The following KLHDC4 variants were observed in gnomAD, a reference collection of about 807,000 sequenced individuals.
KLHDC4 encodes the protein kelch domain-containing protein 4.
In KLHDC4, 90 loss-of-function variants were observed where a neutral mutation model predicts 62.4. The ratio of observed to expected loss-of-function variants is 1.44; its 90% CI spans 1.22 to 1.72. The LOEUF is 1.72. Ranked by LOEUF, KLHDC4 falls within the 40% of genes most tolerant of loss-of-function variation. The pLI is 0.00. For synonymous variants in KLHDC4, 386 were observed against 284.4 expected (o/e 1.36, Z -3.59); for missense variants, 1,025 against 699.7 (o/e 1.47, Z -5.25).
exon 15 of KLHDC4, chr16:87,701,650 C>A (rs561113093): frequency 4.4e-6 from 2 of 454,080 alleles, no homozygotes; most frequent in East Asian, 1.4e-4. Context: ...CACTGCCACT[C>A]GTCCGCCTCG....
At chr16:87,727,153 G>A (rs1184080692) in intron 6 of KLHDC4, among the ~76,000 whole-genome samples, 3 of 145,976 alleles carry the variant, frequency 2.1e-5, no homozygotes, top group Non-Finnish European at 4.5e-5. Flanking sequence ...CAATCTTGAC[G>A]CAATCTACCT....
At chr16:87,748,934 A>T in intron 4 of KLHDC4, 125 bp from the exon 5 acceptor site, 5 of 1,067,586 alleles carry the variant, frequency 4.7e-6, no homozygotes, top group South Asian at 2.0e-5. Flanking sequence ...CCAGCCCCAC[A>T]CTCAGCCACT....
rs773015431 is a variant in KLHDC4, at chr16:87,708,361, G to A, written c.1553C>T (p.Ala518Val). The A allele has an allele frequency of 4.1e-5, 65 of 1,604,768 alleles. No homozygotes were observed. Among genetic ancestry groups the A allele is most frequent in the Non-Finnish European group, 4.8e-5 (56 of 1,176,064 alleles). The change falls in exon 11 of 12, where the codon GCG becomes GTG. Residue 518 changes from alanine to valine, a missense_variant. By Grantham distance (64) the Ala-to-Val change is moderately conservative (BLOSUM62 0). Coordinates refer to ENST00000270583, the MANE Select transcript of KLHDC4 (RefSeq NM_017566.4). ...CCGAGCCCGCTCACCTCAGTCCTCCGCACCGCTCTCCTCTCCGCTGTCTTC... is the reference window on the plus strand; with the variant it reads ...CCGAGCCCGCTCACCTCAGTCCTCCACACCGCTCTCCTCTCCGCTGTCTTC... ...DDEDSGEESG[A>V]ED
At chr16:87,702,008 A>C (rs993136013) in exon 1 of KLHDC4, 1 of 456,250 alleles carries the variant, frequency 2.2e-6, no homozygotes, top group Non-Finnish European at 4.4e-6. Context: ...CCCAGCAGCC[A>C]GGCAGCTCCT....
At chr16:87,712,125 G>A (rs2036006219) in intron 8 of KLHDC4, among the ~76,000 whole-genome samples, 2 of 152,248 alleles carry the variant, frequency 1.3e-5, no homozygotes, top group African/African-American at 4.8e-5. Context: ...ACCTTGGGCT[G>A]CAGTGTGGCC....
chr16:87,722,691 G>T (rs1217413433), intron 7 of KLHDC4, among the ~76,000 whole-genome samples: 1 of 152,222 alleles, frequency 6.6e-6, no homozygotes, highest in Non-Finnish European at 1.5e-5. Flanking sequence ...TGGAAACTGG[G>T]GCCGCCCTGC....
chr16:87,736,746 T>C (rs2143009523), intron 5 of KLHDC4, among the ~76,000 whole-genome samples: 1 of 152,320 alleles, frequency 6.6e-6, no homozygotes, highest in East Asian at 1.9e-4. Context: ...TTTGTGTTTA[T>C]TCTATGCCAG....
intron 9 of KLHDC4, 133 bp from the exon 10 acceptor site, chr16:87,709,800 G>A (rs1848152596): frequency 2.7e-6 from 3 of 1,106,740 alleles, no homozygotes; most frequent in Non-Finnish European, 3.8e-6. Flanking sequence ...CCAGGAAGGC[G>A]CCATCCCTGA....
chr16:87,708,268 T>A (rs1460274774), intron 11 of KLHDC4, 82 bp downstream of exon 11: 15 of 980,378 alleles, frequency 1.5e-5, no homozygotes, highest in Non-Finnish European at 2.3e-5. Context: ...CAAAGCTGAA[T>A]TCCAATAAGC....
At chr16:87,714,346 C>G in intron 8 of KLHDC4, 152 bp downstream of exon 8, 25 of 495,290 alleles carry the variant, frequency 5.0e-5, no homozygotes, top group South Asian at 1.8e-4. Flanking sequence ...TCCCACCCGG[C>G]CCACCCCGAA....
At chr16:87,741,530 G>C (rs1002320715) in intron 5 of KLHDC4, among the ~76,000 whole-genome samples, 1 of 152,200 alleles carries the variant, frequency 6.6e-6, no homozygotes, top group African/African-American at 2.4e-5. Flanking sequence ...GATCTGAGGT[G>C]CAACAGTTTC....
chr16:87,742,346 G>C (rs934084529), intron 5 of KLHDC4, among the ~76,000 whole-genome samples: 1 of 152,152 alleles, frequency 6.6e-6, no homozygotes, highest in Non-Finnish European at 1.5e-5. Flanking sequence ...ACCGTTAAGA[G>C]AATGCTTTCA....
chr16:87,761,461 G>A (rs1166624506), intron 2 of KLHDC4, among the ~76,000 whole-genome samples: 13 of 152,180 alleles, frequency 8.5e-5, no homozygotes, highest in Admixed American at 7.2e-4. Flanking sequence ...CATCCCACAC[G>A]TGTATGAAAT....
At chr16:87,733,654 G>C in intron 5 of KLHDC4, among the ~76,000 whole-genome samples, 1 of 136,924 alleles carries the variant, frequency 7.3e-6, no homozygotes, top group South Asian at 2.9e-4. Context: ...CTCCTACTTA[G>C]GAATCCACTC....
intron 2 of KLHDC4, among the ~76,000 whole-genome samples, chr16:87,757,167 T>TGGAGA: frequency 6.6e-6 from 1 of 151,432 alleles, no homozygotes; most frequent in Non-Finnish European, 1.5e-5. Flanking sequence ...CTCAAAACCA[T>TGGAGA]TCTAAAAAGT....
chr16:87,752,946 A>C lies in KLHDC4; in HGVS notation c.369+2248T>G, dbSNP rs532990793. Among the ~76,000 whole-genome samples the C allele has an allele frequency of 3.3e-4, 51 of 152,242 alleles. 1 individual carries two copies. The highest frequency in any genetic ancestry group is 6.2e-4 in the South Asian group (3 of 4,834). On this transcript the variant is annotated intron_variant, in intron 4 of 11. Transcript: ENST00000270583. ...AAGCAACAACCTCCAGACAACAGGA[A>C]GCGGGAAGTGCAGGACTGTGAACCT...
intron 7 of KLHDC4, among the ~76,000 whole-genome samples, chr16:87,722,163 G>A (rs896328725): frequency 4.6e-5 from 7 of 152,204 alleles, no homozygotes; most frequent in South Asian, 2.1e-4. Context: ...CATCTCTTTC[G>A]TTAGGATACA....
At chr16:87,748,350 C>T (rs989330367) in intron 5 of KLHDC4, among the ~76,000 whole-genome samples, 44 of 152,310 alleles carry the variant, frequency 2.9e-4, no homozygotes, top group Non-Finnish European at 3.8e-4. Flanking sequence ...ACAAGCTGGG[C>T]ACCCAGAGCT....
At chr16:87,708,313 C>G (rs1288447792) in intron 11 of KLHDC4, 37 bp downstream of exon 11, 4 of 1,376,274 alleles carry the variant, frequency 2.9e-6, no homozygotes, top group Non-Finnish European at 4.0e-6. Flanking sequence ...CACGAACACC[C>G]AGCAGCCGCG....
Sources: gnomAD v4.1 joint callset for allele counts (sites outside exome capture counted in the v4.1 genomes callset) on GRCh38, gnomAD v4.1.1 for gene constraint, MANE v1.5 for transcripts, NCBI Gene and HGNC (gene_info 2026-07-23, HGNC 2026-07-21) for gene names.